Variants in LEPR observed in about 807,000 individuals in gnomAD.
LEPR encodes the protein leptin receptor.
In LEPR, 56 loss-of-function variants were observed where a neutral mutation model predicts 114.7. The ratio of observed to expected loss-of-function variants is 0.49; its 90% CI spans 0.39 to 0.61. The LOEUF is 0.61. LEPR is among the 20% of genes least tolerant of loss of function. LEPR has a pLI of 0.00. For missense variants in LEPR, 1,202 were observed against 1,352.9 expected, an observed-to-expected ratio of 0.89 and a Z score of 1.75; for synonymous variants, 443 against 461.4, an observed-to-expected ratio of 0.96 and a Z score of 0.51.
intron 2 of LEPR, chr1:65,435,782 T>C (rs1029715825): frequency 1.9e-5 from 19 of 981,002 alleles, no homozygotes; most frequent in African/African-American, 3.5e-5. Context: ...CTGAGAAATA[T>C]TATGTCTGTA....
intron 2 of LEPR, among the ~76,000 whole-genome samples, chr1:65,537,647 T>C (rs1379989622): frequency 6.6e-6 from 1 of 152,196 alleles, no homozygotes; most frequent in Admixed American, 6.5e-5. Flanking sequence ...CTTGAACCCC[T>C]GCTTCATGAG....
At chr1:65,568,926 T>G (rs1653961804) in intron 3 of LEPR, among the ~76,000 whole-genome samples, 1 of 152,208 alleles carries the variant, frequency 6.6e-6, no homozygotes, top group Non-Finnish European at 1.5e-5. Flanking sequence ...TAATGATTAG[T>G]GATATTGGGC....
intron 2 of LEPR, among the ~76,000 whole-genome samples, chr1:65,521,524 G>T (rs1649637340): frequency 6.6e-6 from 1 of 152,186 alleles, no homozygotes; most frequent in Non-Finnish European, 1.5e-5. Flanking sequence ...GACTGTCACG[G>T]TGTCTTCTAT....
intron 2 of LEPR, among the ~76,000 whole-genome samples, chr1:65,438,383 C>G (rs1022036261): frequency 2.0e-5 from 3 of 151,690 alleles, no homozygotes; most frequent in African/African-American, 7.3e-5. Flanking sequence ...AACCCCGTCT[C>G]TACTAAAAAT....
intron 2 of LEPR, among the ~76,000 whole-genome samples, chr1:65,509,804 G>A (rs1478479078): frequency 6.6e-6 from 1 of 152,076 alleles, no homozygotes; most frequent in South Asian, 2.1e-4. Flanking sequence ...AAAACACAGA[G>A]CAATCTTTTC....
intron 2 of LEPR, among the ~76,000 whole-genome samples, chr1:65,554,271 G>C (rs1652649903): frequency 6.6e-6 from 1 of 152,190 alleles, no homozygotes; most frequent in African/African-American, 2.4e-5. Context: ...AGAGCCATCA[G>C]GCAGGAATGT....
intron 5 of LEPR, among the ~76,000 whole-genome samples, chr1:65,573,579 T>C (rs2100818935): frequency 6.6e-6 from 1 of 152,328 alleles, no homozygotes; most frequent in African/African-American, 2.4e-5. Flanking sequence ...ATATACACCA[T>C]TTTTATGTCA....
intron 10 of LEPR, 118 bp from the exon 11 acceptor site, chr1:65,604,920 G>A: frequency 7.9e-7 from 1 of 1,266,108 alleles, no homozygotes; most frequent in Non-Finnish European, 1.1e-6. Flanking sequence ...CATGAAACCG[G>A]TCCCTGGTGC....
intron 8 of LEPR, among the ~76,000 whole-genome samples, chr1:65,599,307 A>G (rs538577269): frequency 2.6e-5 from 4 of 152,256 alleles, no homozygotes; most frequent in African/African-American, 9.6e-5. Flanking sequence ...GCTGATGCGC[A>G]AAGTTTTGCA....
chr1:65,488,676 T>A (rs539633782), intron 2 of LEPR, among the ~76,000 whole-genome samples: 18 of 152,178 alleles, frequency 1.2e-4, no homozygotes, highest in Admixed American at 1.1e-3. Context: ...ATAGTCACCC[T>A]GTTGTGCTAC....
chr1:65,574,676 T>C (rs568867404), intron 5 of LEPR, among the ~76,000 whole-genome samples: 2 of 152,234 alleles, frequency 1.3e-5, no homozygotes, highest in Non-Finnish European at 2.9e-5. Flanking sequence ...GTTTAAAAAT[T>C]ATTTGTTGAA....
At chr1:65,426,394 AT>A (rs1161312460) in intron 2 of LEPR, among the ~76,000 whole-genome samples, 1 of 151,972 alleles carries the variant, frequency 6.6e-6, no homozygotes, top group Non-Finnish European at 1.5e-5. Flanking sequence ...CATTTTATAC[AT>A]CAGACAATAG....
chr1:65,460,667 G>A (rs1293315567), intron 2 of LEPR, among the ~76,000 whole-genome samples: 2 of 151,994 alleles, frequency 1.3e-5, no homozygotes, highest in African/African-American at 4.8e-5. Context: ...GACCAGCCTG[G>A]CCAACATGGT....
intron 2 of LEPR, chr1:65,433,080 C>T: frequency 1.0e-6 from 1 of 985,300 alleles, no homozygotes; most frequent in Non-Finnish European, 1.2e-6. Flanking sequence ...GAGCCAGCCC[C>T]TGCGTTAGCA....
At position 65,435,779 on chromosome 1, in the gene LEPR, ATAT is replaced by A. The variant is rs1557589269; in HGVS notation, c.-21+10405_-21+10407del. On this transcript the variant is annotated intron_variant, in intron 2 of 19. Transcript: ENST00000349533. Reference sequence around the variant, plus strand: ...ATAGTAATTAGTTCACAACTGAGAAATATTATGTCTGTAGTAGATAAATATTAG... The same window carrying A: ...ATAGTAATTAGTTCACAACTGAGAAATATGTCTGTAGTAGATAAATATTAG... 6.1e-6 allele frequency: 6 copies of A among 980,866 alleles called. No individual in the cohort carries two copies. The East Asian group carries it at 3.4e-4, about 56-fold the overall frequency. 60.8% of individuals were successfully genotyped at this position (980,866 alleles called of 1,614,324 possible). A position where few individuals can be genotyped will look rare whatever the true frequency, so the allele number is the denominator to read the frequency against.
At chr1:65,523,682 G>A (rs1649753612) in intron 2 of LEPR, among the ~76,000 whole-genome samples, 1 of 152,172 alleles carries the variant, frequency 6.6e-6, no homozygotes, top group South Asian at 2.1e-4. Flanking sequence ...AAATAATGAT[G>A]CTGGAATGAC....
intron 2 of LEPR, among the ~76,000 whole-genome samples, chr1:65,531,713 A>G (rs1650414537): frequency 6.6e-6 from 1 of 152,164 alleles, no homozygotes. Flanking sequence ...TTCTATAAAT[A>G]TAACACGTTA....
At chr1:65,501,572 T>G (rs1484998420) in intron 2 of LEPR, among the ~76,000 whole-genome samples, 1 of 151,902 alleles carries the variant, frequency 6.6e-6, no homozygotes, top group East Asian at 1.9e-4. Flanking sequence ...TATTTTCAAA[T>G]AAGGTCACAT....
At chr1:65,594,202 C>A (rs1353264127) in intron 6 of LEPR, among the ~76,000 whole-genome samples, 1 of 151,914 alleles carries the variant, frequency 6.6e-6, no homozygotes, top group African/African-American at 2.4e-5. Context: ...GAAGAGATAT[C>A]CATGCAAAAA....
Sources: allele counts gnomAD v4.1 joint callset (sites outside exome capture counted in the v4.1 genomes callset), GRCh38; gene constraint gnomAD v4.1.1; transcripts MANE v1.5; gene names NCBI Gene and HGNC (gene_info 2026-07-23, HGNC 2026-07-21).